ATP2B4: variants seen among roughly 807,000 people sequenced by gnomAD.
The protein encoded by ATP2B4 is ATPase plasma membrane Ca2+ transporting 4.
ATP2B4 carries 39 observed loss-of-function variants against 110.3 expected under a neutral mutation model. The observed-to-expected ratio is 0.35, with a 90% CI of 0.27 to 0.46. The LOEUF is 0.46. Among genes scored for constraint, ATP2B4 ranks in the 20% least tolerant of loss-of-function variants. The probability of loss-of-function intolerance (pLI) is 1.00; values close to 1 mark genes in which losing one functional copy is unlikely to be tolerated. For synonymous variants in ATP2B4, 538 were observed against 571.7 expected (o/e 0.94, Z 0.84); for missense variants, 1,135 against 1,530.9 (o/e 0.74, Z 4.32).
At chr1:203,658,038 T>C (rs1231701039) in intron 1 of ATP2B4, among the ~76,000 whole-genome samples, 1 of 152,166 alleles carries the variant, frequency 6.6e-6, no homozygotes. Flanking sequence ...TTAATTAAGG[T>C]AGTCACATTG....
chr1:203,679,992 C>A (rs866908282), intron 1 of ATP2B4, among the ~76,000 whole-genome samples: 1 of 144,936 alleles, frequency 6.9e-6, no homozygotes, highest in East Asian at 2.0e-4. Context: ...ACCTGGGAGG[C>A]GGAGGTTGCA....
At chr1:203,694,140 T>C (rs1261358356) in intron 2 of ATP2B4, among the ~76,000 whole-genome samples, 1 of 152,244 alleles carries the variant, frequency 6.6e-6, no homozygotes, top group Non-Finnish European at 1.5e-5. Context: ...GTGAGGCATC[T>C]GGCACATAGT....
intron 18 of ATP2B4, 67 bp downstream of exon 18, chr1:203,722,756 G>T: frequency 6.7e-7 from 1 of 1,501,498 alleles, no homozygotes; most frequent in African/African-American, 1.4e-5. Flanking sequence ...GGGAGCCAGG[G>T]TTCCCTACAT....
chr1:203,682,097 A>T (rs916812288), intron 1 of ATP2B4, among the ~76,000 whole-genome samples: 1 of 152,194 alleles, frequency 6.6e-6, no homozygotes, highest in Non-Finnish European at 1.5e-5. Flanking sequence ...GTACACCTGG[A>T]GGCTGAGTAC....
chr1:203,724,049 A>G (rs547531268), intron 19 of ATP2B4, 61 bp downstream of exon 19: 2 of 1,424,834 alleles, frequency 1.4e-6, no homozygotes, highest in Admixed American at 2.0e-5. Flanking sequence ...CCTCCTCTAC[A>G]TGAGATGGAA....
In ATP2B4 at chr1:203,709,474, C is replaced by CA; in HGVS notation, c.1731_1732insA (p.Val578SerfsTer18). On this transcript the variant is annotated frameshift_variant, in exon 11 of 21. Coordinates refer to ENST00000357681, the MANE Select transcript of ATP2B4 (RefSeq NM_001684.5). LOFTEE classifies it high-confidence loss of function. ...ACTCAGTGCGCAAGTCAATGAGCAC[C>CA]GTCATCAGGAATCCCAACGGTGGCT... 1 of 1,614,170 alleles carries CA rather than the reference C, an allele frequency of 6.2e-7. No homozygotes were observed. The highest frequency in any genetic ancestry group is 8.5e-7 in the Non-Finnish European group (1 of 1,180,030).
chr1:203,700,372 C>G, intron 5 of ATP2B4, 41 bp downstream of exon 5: 1 of 1,590,096 alleles, frequency 6.3e-7, no homozygotes, highest in Non-Finnish European at 8.6e-7. Context: ...TACCTCCCTG[C>G]AAACACCTAG....
intron 1 of ATP2B4, among the ~76,000 whole-genome samples, chr1:203,642,173 C>G (rs1207224545): frequency 6.6e-6 from 1 of 152,198 alleles, no homozygotes; most frequent in Admixed American, 6.5e-5. Context: ...CCTCCAACTC[C>G]TGGGCTCAAG....
chr1:203,638,415 T>C (rs1663525440), intron 1 of ATP2B4, among the ~76,000 whole-genome samples: 1 of 152,218 alleles, frequency 6.6e-6, no homozygotes, highest in Non-Finnish European at 1.5e-5. Context: ...GGAGCACTCG[T>C]ACGACATCTG....
At chr1:203,647,306 C>T (rs1006448703) in intron 1 of ATP2B4, among the ~76,000 whole-genome samples, 3 of 152,044 alleles carry the variant, frequency 2.0e-5, no homozygotes, top group East Asian at 1.9e-4. Context: ...TGTGGTGATG[C>T]ACACCTGTAG....
Position 203,687,990 on chromosome 1 carries a change from A to T in ATP2B4, c.193+4592A>T, listed in dbSNP as rs561689789. 2.7e-3 allele frequency among the ~76,000 whole-genome samples: 365 copies of T among 137,618 alleles called. 1 individual carries two copies. The highest frequency in any genetic ancestry group is 4.6e-3 in the Non-Finnish European group (301 of 64,870). 90.3% of individuals were successfully genotyped at this position (137,618 alleles called of 152,430 possible). A position where few individuals can be genotyped will look rare whatever the true frequency, so the allele number is the denominator to read the frequency against. On this transcript the variant is annotated intron_variant, in intron 2 of 20. Transcript: ENST00000357681. The stretch of plus-strand genomic sequence containing the variant: ...TTTAGCCTGGAGAGAGGGAGAGAGA[A>T]AGAGATTATTATTATTATTATTATT...
intron 11 of ATP2B4, 151 bp downstream of exon 11, chr1:203,709,693 C>A: frequency 1.5e-6 from 2 of 1,304,270 alleles, no homozygotes; most frequent in Non-Finnish European, 2.1e-6. Flanking sequence ...TCAGGCCACG[C>A]ATGTTTTTTA....
chr1:203,726,083 A>AG (rs1414393654), intron 19 of ATP2B4, among the ~76,000 whole-genome samples: 5 of 150,382 alleles, frequency 3.3e-5, no homozygotes, highest in Non-Finnish European at 5.9e-5. Flanking sequence ...AAAAAAAAAA[A>AG]AAAAAATTGG....
In ATP2B4 at chr1:203,739,979, G is replaced by A. The variant is rs1402449543; in HGVS notation, c.*125G>A. 2 of 1,059,588 alleles carry A rather than the reference G, an allele frequency of 1.9e-6. No homozygotes were observed. Among genetic ancestry groups the A allele is most frequent in the African/African-American group, 3.2e-5 (2 of 62,166 alleles). The allele number at this position is 1,059,588 out of a possible 1,614,324, so 65.6% of individuals were successfully genotyped here. On this transcript the variant is annotated 3_prime_UTR_variant, in exon 21 of 21. Coordinates refer to ENST00000357681, the MANE Select transcript of ATP2B4 (RefSeq NM_001684.5). ...CTGTGTTAACAGCAGTGTGTGTGAA[G>A]TGAACCTCTACCTGACCATGAAGAG...
chr1:203,654,230 C>T (rs1204179973), intron 1 of ATP2B4, among the ~76,000 whole-genome samples: 2 of 151,890 alleles, frequency 1.3e-5, no homozygotes, highest in Non-Finnish European at 2.9e-5. Context: ...GTGATCTGCC[C>T]ACCTCGGCCT....
rs3766751 is a variant in ATP2B4, at chr1:203,706,654, G to T, written c.1100-355G>T. ...TATGAATCGCAGGGAGAGGGTGGGC[G>T]TGGAATAGGATCATAGAAAGCTGTT... On this transcript the variant is annotated intron_variant, in intron 8 of 20. Coordinates refer to ENST00000357681, the MANE Select transcript of ATP2B4 (RefSeq NM_001684.5). Among the ~76,000 whole-genome samples, 58 of 152,224 alleles carry T rather than the reference G, an allele frequency of 3.8e-4. 2 individuals are homozygous for T. The highest frequency in any genetic ancestry group is 1.4e-3 in the East Asian group (7 of 5,172).
chr1:203,686,843 G>A (rs1298095852), intron 2 of ATP2B4, among the ~76,000 whole-genome samples: 6 of 151,066 alleles, frequency 4.0e-5, no homozygotes, highest in South Asian at 2.1e-4. Context: ...ACAGGTGCAC[G>A]CCACCACTCC....
rs1029498980 is a variant in ATP2B4 at position 203,724,869 on chromosome 1, T to C, written c.3132+881T>C. Among the ~76,000 whole-genome samples, 603 of 133,770 alleles carry C rather than the reference T, an allele frequency of 4.5e-3. 33 individuals are homozygous for C. The highest frequency in any genetic ancestry group is 0.027 in the Middle Eastern group (7 of 264). 87.8% of individuals were successfully genotyped at this position (133,770 alleles called of 152,430 possible). A position where few individuals can be genotyped will look rare whatever the true frequency, so the allele number is the denominator to read the frequency against. Reference sequence around the variant, plus strand: ...CCTGGGTTTGAATCCAGCTCTCTGTTTTTTTTTTTTTTTTTTTTTTTTTCT... The same window carrying C: ...CCTGGGTTTGAATCCAGCTCTCTGTCTTTTTTTTTTTTTTTTTTTTTTTCT... On this transcript the variant is annotated intron_variant, in intron 19 of 20. Transcript: ENST00000357681.
chr1:203,714,671 C>G (rs1666109029), intron 15 of ATP2B4, among the ~76,000 whole-genome samples: 1 of 152,156 alleles, frequency 6.6e-6, no homozygotes, highest in Admixed American at 6.6e-5. Context: ...TTGGAAAGTT[C>G]ATGTGAAATC....
Sources: gnomAD v4.1 joint callset for allele counts (sites outside exome capture counted in the v4.1 genomes callset) on GRCh38, gnomAD v4.1.1 for gene constraint, MANE v1.5 for transcripts, NCBI Gene and HGNC (gene_info 2026-07-23, HGNC 2026-07-21) for gene names.